BAZ2B: variants seen among roughly 807,000 people sequenced by gnomAD.
The protein encoded by BAZ2B is bromodomain adjacent to zinc finger domain 2B.
Under a neutral mutation model 246.0 loss-of-function variants are expected in BAZ2B, and 91 were observed. The ratio of observed to expected loss-of-function variants is 0.37; its 90% CI spans 0.31 to 0.44. BAZ2B has a LOEUF of 0.44. Among genes scored for constraint, BAZ2B ranks in the 20% least tolerant of loss-of-function variants. The pLI, the probability that BAZ2B is intolerant of heterozygous loss-of-function variation, is 1.00. For synonymous variants in BAZ2B, 855 were observed against 860.0 expected, an observed-to-expected ratio of 0.99 and a Z score of 0.10; for missense variants, 2,332 against 2,533.7, an observed-to-expected ratio of 0.92 and a Z score of 1.71.
At chr2:159,699,023 G>A in the BAZ2B span, among the ~76,000 whole-genome samples, 1 of 152,154 alleles carries the variant, frequency 6.6e-6, no homozygotes, top group Non-Finnish European at 1.5e-5. Context: ...CATTTATTGA[G>A]TGCCTATAGC....
At chr2:159,382,950 GGAAA>G (rs2062178327) in intron 24 of BAZ2B, 148 bp from the exon 25 acceptor site, 1 of 1,107,250 alleles carries the variant, frequency 9.0e-7, no homozygotes, top group Admixed American at 3.2e-5. Flanking sequence ...ATTAGAATTA[GGAAA>G]CTTAAGAAAT....
At chr2:159,692,603 T>A in the BAZ2B span, among the ~76,000 whole-genome samples, 1 of 152,116 alleles carries the variant, frequency 6.6e-6, no homozygotes, top group Non-Finnish European at 1.5e-5. Flanking sequence ...GTAATCGCAG[T>A]TACTCAGGAG....
the BAZ2B span, among the ~76,000 whole-genome samples, chr2:159,623,378 C>A: frequency 1.8e-4 from 27 of 151,716 alleles, no homozygotes; most frequent in African/African-American, 4.8e-4. Context: ...AGAAAAAAAA[C>A]AAAAAACAAA....
chr2:159,393,778 G>A (rs1173093991), intron 20 of BAZ2B, among the ~76,000 whole-genome samples: 1 of 152,080 alleles, frequency 6.6e-6, no homozygotes, highest in Non-Finnish European at 1.5e-5. Flanking sequence ...GGGCTTTGAT[G>A]GATTCTTAGA....
chr2:159,316,393 A>G (rs934376394), downstream of BAZ2B, among the ~76,000 whole-genome samples: 5 of 152,202 alleles, frequency 3.3e-5, no homozygotes, highest in Non-Finnish European at 7.3e-5. Flanking sequence ...CCCCCTGGAA[A>G]GAAAATTTTA....
At chr2:159,597,995 CT>C (rs10569900) in intron 1 of BAZ2B, among the ~76,000 whole-genome samples, 17,346 of 148,094 alleles carry the variant, frequency 0.12, 2,349 homozygotes, top group African/African-American at 0.34. Context: ...TAGACGTATT[CT>C]TTTTTTTTTT....
At chr2:159,621,798 T>A in the BAZ2B span, among the ~76,000 whole-genome samples, 2 of 150,688 alleles carry the variant, frequency 1.3e-5, no homozygotes, top group African/African-American at 4.9e-5. Context: ...ATCCTGTCTC[T>A]ACAAAAAAAA....
the BAZ2B span, among the ~76,000 whole-genome samples, chr2:159,626,231 G>C: frequency 1.3e-5 from 2 of 152,098 alleles, no homozygotes; most frequent in Non-Finnish European, 2.9e-5. Flanking sequence ...ATAATAGTGG[G>C]AGACTTTAAC....
the BAZ2B span, among the ~76,000 whole-genome samples, chr2:159,644,780 T>C: frequency 6.6e-6 from 1 of 152,190 alleles, no homozygotes; most frequent in African/African-American, 2.4e-5. Context: ...ACTATTTCTT[T>C]ATCAAGTGGT....
intron 13 of BAZ2B, among the ~76,000 whole-genome samples, chr2:159,426,573 T>A (rs1355285998): frequency 1.3e-5 from 2 of 152,104 alleles, no homozygotes; most frequent in East Asian, 3.8e-4. Flanking sequence ...AGAATATATT[T>A]CCATATATTT....
At chr2:159,387,997 T>C (rs959490241) in intron 21 of BAZ2B, among the ~76,000 whole-genome samples, 1 of 152,064 alleles carries the variant, frequency 6.6e-6, no homozygotes, top group Non-Finnish European at 1.5e-5. Flanking sequence ...TACTAAAAGT[T>C]TTCTTTAAGC....
intron 4 of BAZ2B, among the ~76,000 whole-genome samples, chr2:159,452,457 AG>A (rs1338518364): frequency 1.3e-5 from 2 of 152,228 alleles, no homozygotes; most frequent in African/African-American, 4.8e-5. Context: ...GAGAAAACTG[AG>A]GCTAAGAGGT....
rs201954497 is a variant in BAZ2B, at chr2:159,404,926, G to A, written c.2771-16C>T. On this transcript the variant is annotated splice_polypyrimidine_tract_variant and intron_variant, in intron 15 of 36. Coordinates refer to ENST00000392783, the MANE Select transcript of BAZ2B (RefSeq NM_013450.4). ...GCCATTATTGCTACAAGAAACCAAA[G>A]GATAGATATCATCAAAAAGGGAATG... The A allele has an allele frequency of 1.2e-6, 2 of 1,613,166 alleles. No homozygotes were observed. The highest frequency in any genetic ancestry group is 3.3e-5 in the Admixed American group (2 of 59,964).
At chr2:159,340,363 T>A (rs2066446537) in intron 31 of BAZ2B, among the ~76,000 whole-genome samples, 1 of 151,918 alleles carries the variant, frequency 6.6e-6, no homozygotes, top group South Asian at 2.1e-4. Context: ...GGAAAAAAAA[T>A]TTAATGAAAT....
rs370307989 is a variant in BAZ2B, at chr2:159,350,317, C to G, written c.4254G>C (p.Lys1418Asn). The change falls in exon 28 of 37, where the codon AAG becomes AAC. Residue 1418 changes from lysine (K) to asparagine (N), a missense_variant. Physicochemically the swap from Lys to Asn is moderately conservative, Grantham distance 94. Transcript: ENST00000392783. ...CTTCTTTGATCTGGACACTTTCTGC[C>G]TTTTTCAGTTTTTCTCTTTCTTTTG... Reference protein sequence around the residue: ...EIAKEREKLKKAESVQIKEEM... With the variant: ...EIAKEREKLKNAESVQIKEEM... The G allele has an allele frequency of 6.4e-7, 1 of 1,573,822 alleles. No homozygotes were observed. Among genetic ancestry groups the G allele is most frequent in the Non-Finnish European group, 8.6e-7 (1 of 1,164,732 alleles).
chr2:159,466,815 C>G (rs937209027), intron 3 of BAZ2B, among the ~76,000 whole-genome samples: 4 of 152,150 alleles, frequency 2.6e-5, no homozygotes, highest in African/African-American at 9.7e-5. Flanking sequence ...TCCCCTCTTC[C>G]TCCATTTTTT....
At chr2:159,696,082 T>C in the BAZ2B span, among the ~76,000 whole-genome samples, 69,471 of 152,012 alleles carry the variant, frequency 0.46, 16,735 homozygotes, top group Middle Eastern at 0.64. Flanking sequence ...TTTATGCCTG[T>C]GTTTCTTAGG....
chr2:159,564,135 G>T (rs191732294), intron 1 of BAZ2B, among the ~76,000 whole-genome samples: 118 of 152,290 alleles, frequency 7.7e-4, no homozygotes, highest in African/African-American at 2.6e-3. Context: ...CAGCAAGGAG[G>T]TATCTCTGAG....
chr2:159,454,950 A>G (rs2075557477), intron 3 of BAZ2B, among the ~76,000 whole-genome samples: 1 of 152,184 alleles, frequency 6.6e-6, no homozygotes, highest in Non-Finnish European at 1.5e-5. Flanking sequence ...AATTTGGCAG[A>G]AAACTTTTCT....
Sources: allele counts gnomAD v4.1 joint callset (sites outside exome capture counted in the v4.1 genomes callset), GRCh38; gene constraint gnomAD v4.1.1; transcripts MANE v1.5; gene names NCBI Gene and HGNC (gene_info 2026-07-23, HGNC 2026-07-21).